ATP8A2: variants seen among roughly 807,000 people sequenced by gnomAD.
The protein encoded by ATP8A2 is phospholipid-transporting ATPase IB.
ATP8A2 carries 100 observed loss-of-function variants against 165.6 expected under a neutral mutation model. That is an observed-to-expected ratio of 0.60 (90% CI 0.51 to 0.71). The LOEUF is 0.71. Among genes scored for constraint, ATP8A2 ranks in the 30% least tolerant of loss-of-function variants. ATP8A2 has a pLI of 0.00. For synonymous variants in ATP8A2, 543 were observed against 548.8 expected, an observed-to-expected ratio of 0.99 and a Z score of 0.15; for missense variants, 1,227 against 1,479.5, an observed-to-expected ratio of 0.83 and a Z score of 2.80.
In ATP8A2 at chr13:25,541,967, T is replaced by A; in HGVS notation, c.700T>A (p.Leu234Ile). The part of the protein sequence containing the change: ...DMQTREVLMK[L>I]SGTIECEGPN... ...GCAAACACGTGAAGTTCTGATGAAGTTATCTGGAACTATAGAGTGTGAAGG... is the reference window on the plus strand; with the variant it reads ...GCAAACACGTGAAGTTCTGATGAAGATATCTGGAACTATAGAGTGTGAAGG... The change falls in exon 9 of 37, where the codon TTA (leucine) becomes ATA (isoleucine). Residue 234 changes from leucine (L) to isoleucine (I), a missense_variant. Leu to Ile is a conservative substitution (Grantham distance 5, BLOSUM62 2). Transcript: ENST00000381655. The A allele has an allele frequency of 6.2e-7, 1 of 1,614,068 alleles. No individual in the cohort carries two copies. The highest frequency in any genetic ancestry group is 8.5e-7 in the Non-Finnish European group (1 of 1,179,954).
At chr13:25,855,763 GT>G (rs1362577891) in intron 30 of ATP8A2, among the ~76,000 whole-genome samples, 4 of 152,086 alleles carry the variant, frequency 2.6e-5, no homozygotes, top group Admixed American at 6.5e-5. Context: ...GGTTTGCACC[GT>G]TTTACTTTCC....
At chr13:25,987,908 C>T (rs533930175) in intron 35 of ATP8A2, among the ~76,000 whole-genome samples, 3 of 152,316 alleles carry the variant, frequency 2.0e-5, no homozygotes, top group South Asian at 4.1e-4. Flanking sequence ...TGGATTTCTT[C>T]GTGTGGCTGA....
intron 27 of ATP8A2, among the ~76,000 whole-genome samples, chr13:25,777,478 T>G (rs769242515): frequency 1.8e-4 from 27 of 152,384 alleles, no homozygotes; most frequent in Admixed American, 3.9e-4. Flanking sequence ...AAGGTAACCC[T>G]TATAATTAAT....
intron 25 of ATP8A2, among the ~76,000 whole-genome samples, chr13:25,768,003 G>A (rs1403365772): frequency 6.7e-6 from 1 of 149,536 alleles, no homozygotes; most frequent in Non-Finnish European, 1.5e-5. Flanking sequence ...TCCATATGTG[G>A]GCGTGGCCAG....
chr13:25,430,906 T>G (rs1303652259), intron 1 of ATP8A2, among the ~76,000 whole-genome samples: 1 of 151,468 alleles, frequency 6.6e-6, no homozygotes, highest in Non-Finnish European at 1.5e-5. Flanking sequence ...CCAAGGTAGT[T>G]TATAGTGGTC....
At chr13:25,390,117 C>T (rs753117050) in intron 1 of ATP8A2, among the ~76,000 whole-genome samples, 1 of 152,164 alleles carries the variant, frequency 6.6e-6, no homozygotes, top group Non-Finnish European at 1.5e-5. Context: ...ACCTCAGCCT[C>T]TGAGTAGCTG....
intron 33 of ATP8A2, among the ~76,000 whole-genome samples, chr13:25,878,983 G>T (rs541866434): frequency 6.6e-6 from 1 of 152,096 alleles, no homozygotes; most frequent in Non-Finnish European, 1.5e-5. Flanking sequence ...TTCTACCACC[G>T]GTCTCCTTGC....
At chr13:25,763,943 T>C (rs527789118) in intron 25 of ATP8A2, among the ~76,000 whole-genome samples, 13 of 152,362 alleles carry the variant, frequency 8.5e-5, no homozygotes, top group African/African-American at 3.1e-4. Flanking sequence ...TGTTTGTATA[T>C]CTATCTAATT....
intron 2 of ATP8A2, among the ~76,000 whole-genome samples, chr13:25,480,975 G>A (rs941320685): frequency 6.6e-6 from 1 of 152,154 alleles, no homozygotes; most frequent in Non-Finnish European, 1.5e-5. Flanking sequence ...GCAACACAGC[G>A]AAACCCCGTC....
At chr13:25,570,921 TG>T (rs747020448) in intron 17 of ATP8A2, 49 bp downstream of exon 17, 112 of 1,359,386 alleles carry the variant, frequency 8.2e-5, no homozygotes, top group Middle Eastern at 7.3e-4. Flanking sequence ...TCAGGACACC[TG>T]GGTGTTGCAG....
chr13:25,765,381 C>T (rs924604208), intron 25 of ATP8A2, among the ~76,000 whole-genome samples: 1 of 152,150 alleles, frequency 6.6e-6, no homozygotes. Flanking sequence ...TTAAGTGTGG[C>T]ATGTGACTCC....
intron 25 of ATP8A2, among the ~76,000 whole-genome samples, chr13:25,717,419 A>G (rs2043278090): frequency 1.3e-5 from 1 of 74,718 alleles, no homozygotes; most frequent in Non-Finnish European, 2.4e-5. Context: ...TGAAAAAACT[A>G]AAAAAAAAAA....
At position 25,402,680 on chromosome 13, in the gene ATP8A2, A is replaced by T. The variant is rs534253103; in HGVS notation, c.76+30392A>T. Among the ~76,000 whole-genome samples the T allele has an allele frequency of 1.1e-4, 17 of 152,284 alleles. No homozygotes were observed. In the South Asian group the frequency reaches 3.3e-3, roughly 30 times the overall value. ...ACGTTTGTGTCCCCAGTGCAACAGTATTAAGAGGTGGGGTATTTAGGAGAT... is the reference window on the plus strand; with the variant it reads ...ACGTTTGTGTCCCCAGTGCAACAGTTTTAAGAGGTGGGGTATTTAGGAGAT... On this transcript the variant is annotated intron_variant, in intron 1 of 36. Coordinates refer to ENST00000381655, the MANE Select transcript of ATP8A2 (RefSeq NM_016529.6).
rs992008401 is a variant in ATP8A2 at position 26,003,122 on chromosome 13, A to G, written c.3378-9409A>G. ...ACTTCCACTGTTTTCCATAGTAGCT[A>G]TACTAATTTGTATTCCCATCAACAG... On this transcript the variant is annotated intron_variant, in intron 35 of 36. Coordinates refer to ENST00000381655, the MANE Select transcript of ATP8A2 (RefSeq NM_016529.6). Among the ~76,000 whole-genome samples the G allele has an allele frequency of 2.6e-5, 4 of 151,362 alleles. No homozygotes were observed. The South Asian group carries it at 6.2e-4, about 24-fold the overall frequency.
intron 1 of ATP8A2, among the ~76,000 whole-genome samples, chr13:25,439,823 C>T (rs114115772): frequency 0.011 from 1,720 of 151,934 alleles, 32 homozygotes; most frequent in African/African-American, 0.04. Flanking sequence ...AGGAGGATTG[C>T]TTGGGCCCAG....
chr13:25,800,648 C>T (rs1356252560), intron 27 of ATP8A2, among the ~76,000 whole-genome samples: 5 of 152,122 alleles, frequency 3.3e-5, no homozygotes, highest in Admixed American at 1.3e-4. Flanking sequence ...GTGAACATTT[C>T]ACAAGAAGTA....
chr13:25,830,686 C>T (rs1951438124), intron 28 of ATP8A2, among the ~76,000 whole-genome samples: 2 of 152,192 alleles, frequency 1.3e-5, no homozygotes, highest in Non-Finnish European at 2.9e-5. Flanking sequence ...ACTATTTACC[C>T]TTCACCCAGA....
rs59081934 is a variant in ATP8A2 at position 25,762,268 on chromosome 13, CAAAAAAAA to C, written c.2385-6757_2385-6750del. On this transcript the variant is annotated intron_variant, in intron 25 of 36. Transcript: ENST00000381655. ...TGGGTGATGGAGTGAGACTCTGTCT[CAAAAAAAA>C]AAAAAAAAAAAAAAAAAAAAGCTGT... Among the ~76,000 whole-genome samples, 110 of 41,310 alleles carry C rather than the reference CAAAAAAAA, an allele frequency of 2.7e-3. 1 individual carries two copies. The highest frequency in any genetic ancestry group is 4.7e-3 in the African/African-American group (43 of 9,246). 27.1% of individuals were successfully genotyped at this position (41,310 alleles called of 152,430 possible).
chr13:25,638,946 A>T (rs2041442270), intron 24 of ATP8A2, among the ~76,000 whole-genome samples: 1 of 152,350 alleles, frequency 6.6e-6, no homozygotes. Flanking sequence ...AGTGGGGGCC[A>T]ATATTCAACA....
Sources: gnomAD v4.1 joint callset for allele counts (sites outside exome capture counted in the v4.1 genomes callset) on GRCh38, gnomAD v4.1.1 for gene constraint, MANE v1.5 for transcripts, NCBI Gene and HGNC (gene_info 2026-07-23, HGNC 2026-07-21) for gene names.